Variants in SNTG2 observed in about 807,000 individuals in gnomAD.
SNTG2 encodes the protein gamma-2-syntrophin.
In SNTG2, 74 loss-of-function variants were observed where a neutral mutation model predicts 70.9. The observed-to-expected ratio is 1.04, with a 90% CI of 0.86 to 1.27. SNTG2 has a LOEUF of 1.27. SNTG2 is among the 50% of genes most tolerant of loss of function. SNTG2 has a pLI of 0.00. For synonymous variants in SNTG2, 278 were observed against 273.8 expected, an observed-to-expected ratio of 1.02 and a Z score of -0.15; for missense variants, 717 against 690.7, an observed-to-expected ratio of 1.04 and a Z score of -0.43.
intron 1 of SNTG2, among the ~76,000 whole-genome samples, chr2:1,051,428 T>C (rs1388655622): frequency 2.0e-5 from 3 of 152,210 alleles, no homozygotes; most frequent in Non-Finnish European, 4.4e-5. Flanking sequence ...TTGTCAACAC[T>C]TTTTTGAGAT....
At position 1,162,786 on chromosome 2, in the gene SNTG2, A is replaced by C. The variant is rs143569096; in HGVS notation, c.412-2762A>C. 2.2e-3 allele frequency among the ~76,000 whole-genome samples: 330 copies of C among 151,480 alleles called. 2 individuals are homozygous for C. Among genetic ancestry groups the C allele is most frequent in the African/African-American group, 7.7e-3 (314 of 40,932 alleles). ...TTTCTCCAGGATCTTGTGCGGGGGG[A>C]GGATAGAATCAGACAAATCTGCTAG... On this transcript the variant is annotated intron_variant, in intron 6 of 16. Transcript: ENST00000308624.
intron 14 of SNTG2, among the ~76,000 whole-genome samples, chr2:1,273,144 G>A (rs1210587389): frequency 6.6e-6 from 1 of 152,106 alleles, no homozygotes; most frequent in African/African-American, 2.4e-5. Flanking sequence ...CCTCACTGAG[G>A]CAAACCAAGC....
intron 8 of SNTG2, among the ~76,000 whole-genome samples, chr2:1,175,064 ACTTC>A (rs1464210710): frequency 2.0e-5 from 3 of 152,174 alleles, no homozygotes; most frequent in African/African-American, 7.2e-5. Context: ...TCATAAAGAC[ACTTC>A]CTTATATTTT....
chr2:1,269,270 A>G (rs1370758636), intron 14 of SNTG2, among the ~76,000 whole-genome samples: 4 of 152,158 alleles, frequency 2.6e-5, no homozygotes, highest in Non-Finnish European at 4.4e-5. Context: ...TCTGGAGGCT[A>G]AGAAAAGAGG....
At chr2:1,305,429 C>T (rs755734990) in intron 14 of SNTG2, among the ~76,000 whole-genome samples, 5 of 152,314 alleles carry the variant, frequency 3.3e-5, no homozygotes, top group Non-Finnish European at 5.9e-5. Context: ...GGAAGTGGGC[C>T]GTGAGGCAAC....
At chr2:1,034,580 G>A (rs775110878) in intron 1 of SNTG2, among the ~76,000 whole-genome samples, 10 of 152,112 alleles carry the variant, frequency 6.6e-5, no homozygotes, top group Non-Finnish European at 2.9e-5. Flanking sequence ...CACCAACAGG[G>A]TATAAGTGTT....
In SNTG2 at chr2:1,224,851, C is replaced by T. The variant is rs145226957; in HGVS notation, c.720-13037C>T. On this transcript the variant is annotated intron_variant, in intron 9 of 16. Coordinates refer to ENST00000308624, the MANE Select transcript of SNTG2 (RefSeq NM_018968.4). ...CCATCCCAGGAGAAAGAATGGAAGCCGTGATAACTCAGGTCACAAGAGTGG... is the reference window on the plus strand; with the variant it reads ...CCATCCCAGGAGAAAGAATGGAAGCTGTGATAACTCAGGTCACAAGAGTGG... 5.1e-3 allele frequency among the ~76,000 whole-genome samples: 772 copies of T among 152,268 alleles called. 7 individuals carry two copies. The highest frequency in any genetic ancestry group is 0.018 in the African/African-American group (730 of 41,542).
intron 1 of SNTG2, among the ~76,000 whole-genome samples, chr2:1,029,091 C>T (rs1660668878): frequency 6.6e-6 from 1 of 152,148 alleles, no homozygotes; most frequent in Admixed American, 6.5e-5. Flanking sequence ...CCGGGCTTTC[C>T]AGCAACCCCA....
chr2:1,205,725 G>A (rs1339687324), intron 8 of SNTG2, among the ~76,000 whole-genome samples: 6 of 152,112 alleles, frequency 3.9e-5, no homozygotes, highest in Admixed American at 1.3e-4. Context: ...TTCGAAACAC[G>A]TGTGGCTTGC....
At chr2:986,059 G>T (rs1330776645) in intron 1 of SNTG2, among the ~76,000 whole-genome samples, 1 of 122,314 alleles carries the variant, frequency 8.2e-6, no homozygotes, top group African/African-American at 3.0e-5. Context: ...TACATTCCCT[G>T]CAAATAATAG....
In SNTG2 at chr2:955,210, G is replaced by A. The variant is rs376748364; in HGVS notation, c.72+4142G>A. 2.6e-5 allele frequency among the ~76,000 whole-genome samples: 4 copies of A among 152,304 alleles called. No individual in the cohort carries two copies. In the South Asian group the frequency reaches 8.3e-4, roughly 32 times the overall value. ...TGAAACCTAGATCAGTGCATGGCCT[G>A]TTATTTTGCAATAATCCGCATTAGT... On this transcript the variant is annotated intron_variant, in intron 1 of 16. Coordinates refer to ENST00000308624, the MANE Select transcript of SNTG2 (RefSeq NM_018968.4).
At chr2:1,338,546 TC>T (rs1659929907) in intron 16 of SNTG2, among the ~76,000 whole-genome samples, 1 of 152,176 alleles carries the variant, frequency 6.6e-6, no homozygotes, top group Admixed American at 6.5e-5. Flanking sequence ...AATCCCCAGC[TC>T]CGGGTAACCT....
At chr2:1,216,550 T>G (rs1273169310) in intron 9 of SNTG2, among the ~76,000 whole-genome samples, 1 of 152,220 alleles carries the variant, frequency 6.6e-6, no homozygotes, top group Non-Finnish European at 1.5e-5. Context: ...GCAGAAGCTC[T>G]TTAGTTTAAT....
At chr2:1,082,363 G>A (rs1264225851) in intron 1 of SNTG2, among the ~76,000 whole-genome samples, 2 of 152,206 alleles carry the variant, frequency 1.3e-5, no homozygotes, top group African/African-American at 4.8e-5. Context: ...GGCAGACGCA[G>A]GCGCTGGGGC....
chr2:952,597 GC>G (rs1660013009), intron 1 of SNTG2, among the ~76,000 whole-genome samples: 1 of 152,174 alleles, frequency 6.6e-6, no homozygotes, highest in Non-Finnish European at 1.5e-5. Context: ...GATGTGATTG[GC>G]GCTTTCTTTC....
chr2:1,233,486 C>T (rs973457463), intron 9 of SNTG2, among the ~76,000 whole-genome samples: 4 of 152,128 alleles, frequency 2.6e-5, no homozygotes, highest in African/African-American at 4.8e-5. Context: ...GCAGTGTGAC[C>T]GGGCACATGA....
intron 1 of SNTG2, among the ~76,000 whole-genome samples, chr2:1,022,147 G>A (rs556977614): frequency 6.6e-6 from 1 of 152,122 alleles, no homozygotes; most frequent in East Asian, 1.9e-4. Context: ...AATTGAGCCA[G>A]TGTTCCCATT....
chr2:955,532 C>T (rs1660111698), intron 1 of SNTG2, among the ~76,000 whole-genome samples: 1 of 152,218 alleles, frequency 6.6e-6, no homozygotes, highest in South Asian at 2.1e-4. Flanking sequence ...ACCAGGAAAT[C>T]ACTGTAATTA....
At chr2:1,209,291 C>T (rs1673883606) in intron 9 of SNTG2, 61 bp downstream of exon 9, 1 of 1,602,324 alleles carries the variant, frequency 6.2e-7, no homozygotes. Context: ...TTGCCAGTTC[C>T]TACAGGCCGC....
Sources: allele counts gnomAD v4.1 joint callset (sites outside exome capture counted in the v4.1 genomes callset), GRCh38; gene constraint gnomAD v4.1.1; transcripts MANE v1.5; gene names NCBI Gene and HGNC (gene_info 2026-07-23, HGNC 2026-07-21).